Variants in PRKCQ observed in about 807,000 individuals in gnomAD.
PRKCQ encodes protein kinase C theta type.
Under a neutral mutation model 91.2 loss-of-function variants are expected in PRKCQ, and 41 were observed. That is an observed-to-expected ratio of 0.45 (90% CI 0.35 to 0.58). PRKCQ has a LOEUF of 0.58. Ranked by LOEUF, PRKCQ falls within the 20% of genes least tolerant of loss-of-function variation. PRKCQ has a pLI of 0.00. For synonymous variants in PRKCQ, 307 were observed against 316.9 expected, an observed-to-expected ratio of 0.97 and a Z score of 0.33; for missense variants, 673 against 896.5, an observed-to-expected ratio of 0.75 and a Z score of 3.18.
the PRKCQ span, among the ~76,000 whole-genome samples, chr10:6,409,923 C>T: frequency 6.6e-6 from 1 of 152,136 alleles, no homozygotes; most frequent in South Asian, 2.1e-4. Context: ...GTTCATTATG[C>T]CTTGGTGAAA....
In PRKCQ at chr10:6,488,676, G is replaced by A. The variant is rs114597276; in HGVS notation, c.791-2532C>T. ...TGAGATTACAGGTGTGAGCCACCGC[G>A]CCCGGTCAACTATTAACCATTACTA... On this transcript the variant is annotated intron_variant, in intron 8 of 17. Coordinates refer to ENST00000263125, the MANE Select transcript of PRKCQ (RefSeq NM_006257.5). Among the ~76,000 whole-genome samples, 1,229 of 152,230 alleles carry A rather than the reference G, an allele frequency of 8.1e-3. 16 individuals are homozygous for A. Among genetic ancestry groups the A allele is most frequent in the African/African-American group, 0.027 (1,117 of 41,528 alleles).
At chr10:6,509,605 C>G (rs1000062107) in intron 3 of PRKCQ, among the ~76,000 whole-genome samples, 1 of 152,306 alleles carries the variant, frequency 6.6e-6, no homozygotes, top group African/African-American at 2.4e-5. Flanking sequence ...GACAGGGTAT[C>G]GCCATGTTGG....
chr10:6,483,490 T>A lies in PRKCQ; in HGVS notation c.1129A>T (p.Ile377Phe), dbSNP rs1564339088. ...ERPSLQIKLK[I>F]EDFILHKMLG... ...ATTTTGTGCAAGATAAAATCCTCAA[T>A]TTTTAGTTTAATCTGCAGAGATGGT... is the stretch of plus-strand genomic sequence containing the variant. Residue 377 changes from isoleucine (I) to phenylalanine (F), a missense_variant, in exon 11 of 18, where the codon ATT (isoleucine) becomes TTT (phenylalanine). Ile to Phe is a conservative substitution (Grantham distance 21). Transcript: ENST00000263125. 1.2e-6 allele frequency: 2 copies of A among 1,614,212 alleles called. No homozygotes were observed. Among genetic ancestry groups the A allele is most frequent in the Non-Finnish European group, 1.7e-6 (2 of 1,180,036 alleles).
intron 1 of PRKCQ, among the ~76,000 whole-genome samples, chr10:6,548,166 A>T (rs1264514450): frequency 8.0e-5 from 12 of 150,696 alleles, no homozygotes; most frequent in South Asian, 2.1e-4. Flanking sequence ...AGAAATGCAA[A>T]TCAAAACCAC....
At position 6,430,474 on chromosome 10, in the gene PRKCQ, T is replaced by C. The variant is rs944267450; in HGVS notation, c.1965+336A>G. Among the ~76,000 whole-genome samples the C allele has an allele frequency of 6.6e-6, 1 of 152,226 alleles. No individual in the cohort carries two copies. Among genetic ancestry groups the C allele is most frequent in the Admixed American group, 6.5e-5 (1 of 15,290 alleles). On this transcript the variant is annotated intron_variant, in intron 17 of 17. Transcript: ENST00000263125. This position sits in a 1 kb window ranked among gnomAD's most constrained non-coding sequence, Gnocchi z 4.7. The stretch of plus-strand genomic sequence containing the variant: ...AGTTTGGGTTACCCAGACTGGACCA[T>C]TAAGTACGTATGTGTCATGTGCACA...
intron 1 of PRKCQ, among the ~76,000 whole-genome samples, chr10:6,549,572 C>T (rs1289554757): frequency 6.6e-6 from 1 of 150,716 alleles, no homozygotes; most frequent in East Asian, 1.9e-4. Flanking sequence ...ACAAAAACTG[C>T]AATTATGTAG....
the PRKCQ span, among the ~76,000 whole-genome samples, chr10:6,416,378 C>A: frequency 1.3e-5 from 2 of 152,204 alleles, no homozygotes; most frequent in East Asian, 3.9e-4. Flanking sequence ...CACCCTTCCC[C>A]TTGAGTCCCT....
At chr10:6,479,767 TAAAAAAAAAAAAAAAA>T (rs34610362) in intron 11 of PRKCQ, among the ~76,000 whole-genome samples, 4 of 38,988 alleles carry the variant, frequency 1.0e-4, no homozygotes, top group Admixed American at 4.2e-4. Flanking sequence ...CCGTCTCGAC[TAAAAAAAAAAAAAAAA>T]AAAAAAAAAA....
chr10:6,530,263 C>G (rs11259403), intron 1 of PRKCQ, among the ~76,000 whole-genome samples: 1 of 151,906 alleles, frequency 6.6e-6, no homozygotes, highest in African/African-American at 2.4e-5. Flanking sequence ...ATGAACTTGG[C>G]GTCAGAGTCA....
chr10:6,472,915 G>A (rs1588714198), intron 12 of PRKCQ, among the ~76,000 whole-genome samples: 1 of 152,154 alleles, frequency 6.6e-6, no homozygotes, highest in Non-Finnish European at 1.5e-5. Context: ...GTTTCGCCAT[G>A]TTGGCCAGGC....
At chr10:6,507,988 G>A (rs2130850432) in intron 3 of PRKCQ, among the ~76,000 whole-genome samples, 1 of 152,258 alleles carries the variant, frequency 6.6e-6, no homozygotes, top group African/African-American at 2.4e-5. Context: ...GGCATTCAAT[G>A]GGGATGGCTT....
chr10:6,453,589 G>T (rs763512409), intron 15 of PRKCQ, among the ~76,000 whole-genome samples: 44 of 152,294 alleles, frequency 2.9e-4, no homozygotes, highest in African/African-American at 7.9e-4. Flanking sequence ...CAAAGGACTA[G>T]AAATCATGCT....
intron 12 of PRKCQ, among the ~76,000 whole-genome samples, chr10:6,477,087 C>T (rs1173081272): frequency 6.6e-6 from 1 of 152,218 alleles, no homozygotes; most frequent in East Asian, 1.9e-4. Flanking sequence ...TTGACCAGGA[C>T]ACCTCACTCT....
the PRKCQ span, among the ~76,000 whole-genome samples, chr10:6,403,975 A>C: frequency 5.9e-5 from 9 of 152,122 alleles, no homozygotes; most frequent in African/African-American, 1.9e-4. Context: ...GTGACAGATA[A>C]GACATTAGGG....
At chr10:6,409,513 T>G in the PRKCQ span, among the ~76,000 whole-genome samples, 1 of 152,146 alleles carries the variant, frequency 6.6e-6, no homozygotes. Context: ...CAGGCTGGTC[T>G]TGAACTCCTG....
intron 1 of PRKCQ, among the ~76,000 whole-genome samples, chr10:6,558,642 G>A (rs892842629): frequency 5.3e-5 from 8 of 152,204 alleles, no homozygotes; most frequent in African/African-American, 1.9e-4. Flanking sequence ...AGGAGCAGCA[G>A]GTTTTTAGGA....
intron 16 of PRKCQ, 139 bp from the exon 17 acceptor site, chr10:6,431,077 G>GTCAA: frequency 1.8e-6 from 2 of 1,142,026 alleles, no homozygotes; most frequent in Non-Finnish European, 2.4e-6. Flanking sequence ...ACTGACTAAA[G>GTCAA]TCAACCTGTC....
chr10:6,540,565 G>C (rs1564382215), intron 1 of PRKCQ, among the ~76,000 whole-genome samples: 1 of 152,186 alleles, frequency 6.6e-6, no homozygotes, highest in Non-Finnish European at 1.5e-5. Context: ...GTGTCAGAAA[G>C]TTTCATGCCT....
the PRKCQ span, among the ~76,000 whole-genome samples, chr10:6,415,142 T>C: frequency 6.6e-6 from 1 of 151,692 alleles, no homozygotes; most frequent in Non-Finnish European, 1.5e-5. Flanking sequence ...TTTGCATTTT[T>C]AGTAGAGATG....
Sources: allele counts gnomAD v4.1 joint callset (sites outside exome capture counted in the v4.1 genomes callset), GRCh38; gene constraint gnomAD v4.1.1; non-coding constraint Gnocchi (gnomAD v3.1); transcripts MANE v1.5; gene names NCBI Gene and HGNC (gene_info 2026-07-23, HGNC 2026-07-21).